The following ATM variants were observed in gnomAD, a reference collection of about 807,000 sequenced individuals.
ATM encodes serine-protein kinase ATM.
In ATM, 308 loss-of-function variants were observed where a neutral mutation model predicts 387.0. The observed-to-expected ratio is 0.80, with a 90% CI of 0.73 to 0.87. ATM has a LOEUF of 0.87. Ranked by LOEUF, ATM falls within the 40% of genes least tolerant of loss-of-function variation. The pLI is 0.00. For synonymous variants in ATM, 1,156 were observed against 1,187.3 expected (o/e 0.97, Z 0.54); for missense variants, 3,312 against 3,560.9 (o/e 0.93, Z 1.78).
intron 45 of ATM, among the ~76,000 whole-genome samples, chr11:108,321,745 G>A (rs553547447): frequency 1.2e-4 from 18 of 151,076 alleles, no homozygotes; most frequent in Non-Finnish European, 2.1e-4. Context: ...CCGAGATTGC[G>A]CCATGGATTC....
chr11:108,233,458 ACTTAGGAGG>A (rs2079119206), intron 4 of ATM, among the ~76,000 whole-genome samples: 2 of 151,488 alleles, frequency 1.3e-5, no homozygotes, highest in African/African-American at 2.4e-5. Context: ...AGTCCCAGCT[ACTTAGGAGG>A]CTTAGGGAGG....
chr11:108,317,533 G>C lies in ATM; in HGVS notation c.6347+12G>C, dbSNP rs2084795630. On this transcript the variant is annotated intron_variant, in intron 43 of 62. Transcript: ENST00000675843. Reference sequence around the variant, plus strand: ...TGCACTTCCGTCAGGTAAGAAATTTGACTTGATTTTTTTTTTTTTGCCTCT... The same window carrying C: ...TGCACTTCCGTCAGGTAAGAAATTTCACTTGATTTTTTTTTTTTTGCCTCT... 5 of 1,575,728 alleles carry C rather than the reference G, an allele frequency of 3.2e-6. No individual in the cohort carries two copies. The highest frequency in any genetic ancestry group is 4.3e-6 in the Non-Finnish European group (5 of 1,162,898).
At chr11:108,335,468 G>T (rs2086737552) in intron 55 of ATM, among the ~76,000 whole-genome samples, 1 of 152,126 alleles carries the variant, frequency 6.6e-6, no homozygotes, top group Admixed American at 6.5e-5. Flanking sequence ...CTCGTACTGT[G>T]CCAAGTGCTA....
At position 108,283,114 on chromosome 11, in the gene ATM, C is replaced by T. The variant is rs4987988; in HGVS notation, c.3746+235C>T. Among the ~76,000 whole-genome samples the T allele has an allele frequency of 5.6e-3, 849 of 152,266 alleles. 6 individuals carry two copies. The highest frequency in any genetic ancestry group is 9.3e-3 in the Non-Finnish European group (633 of 68,014). On this transcript the variant is annotated intron_variant, in intron 25 of 62. Coordinates refer to ENST00000675843, the MANE Select transcript of ATM (RefSeq NM_000051.4). ...AACCAGCTATCTGACTTTGGTCAAA[C>T]CACATAAAGACCCTCTATGCCTTGG... is the stretch of plus-strand genomic sequence containing the variant.
At chr11:108,319,635 A>G (rs888909826) in intron 43 of ATM, among the ~76,000 whole-genome samples, 1 of 152,224 alleles carries the variant, frequency 6.6e-6, no homozygotes, top group Non-Finnish European at 1.5e-5. Flanking sequence ...CCATGAGAGT[A>G]AAGACCTGAT....
chr11:108,314,354 C>T (rs1368265985), intron 40 of ATM, among the ~76,000 whole-genome samples: 1 of 152,108 alleles, frequency 6.6e-6, no homozygotes, highest in East Asian at 1.9e-4. Context: ...AGTCTGCCTG[C>T]CTTGGCTACC....
chr11:108,361,327 G>A lies in ATM; in HGVS notation c.8851-3755G>A, dbSNP rs925246849. On this transcript the variant is annotated intron_variant, in intron 61 of 62. Coordinates refer to ENST00000675843, the MANE Select transcript of ATM (RefSeq NM_000051.4). ...ACAAACAAATGGAAGAACATTCCAT[G>A]CTCATGGGTAGGAAGAATCAATATT... 1.3e-4 allele frequency among the ~76,000 whole-genome samples: 19 copies of A among 146,620 alleles called. 1 individual carries two copies. The highest frequency in any genetic ancestry group is 9.1e-4 in the South Asian group (4 of 4,404).
In ATM at chr11:108,343,382, C is replaced by A. The variant is rs1277361086; in HGVS notation, c.8418+11C>A. 6.2e-7 allele frequency: 1 copy of A among 1,613,400 alleles called. No homozygotes were observed. Among genetic ancestry groups the A allele is most frequent in the Non-Finnish European group, 8.5e-7 (1 of 1,179,692 alleles). On this transcript the variant is annotated intron_variant, in intron 57 of 62. Transcript: ENST00000675843. ...CAAAAGAAAATGATGGTGAGTGACA[C>A]CCAAAATTAAAGGTTATTGTAAGAT... is the stretch of plus-strand genomic sequence containing the variant.
rs730881290 is a variant in ATM at position 108,292,596 on chromosome 11, G to GT, written c.4437-14dup. The GT allele has an allele frequency of 1.3e-3, 1,919 of 1,531,260 alleles. 1 individual carries two copies. The highest frequency in any genetic ancestry group is 1.3e-3 in the Non-Finnish European group (1,448 of 1,116,790). 94.9% of individuals were successfully genotyped at this position (1,531,260 alleles called of 1,614,324 possible). A position where few individuals can be genotyped will look rare whatever the true frequency, so the allele number is the denominator to read the frequency against. On this transcript the variant is annotated intron_variant, in intron 29 of 62. Coordinates refer to ENST00000675843, the MANE Select transcript of ATM (RefSeq NM_000051.4). ...TTTCCAGAACTTACTGGTTGTTGTT[G>GT]TTTTTTTTTCTCCCTATATTAGGCC...
At chr11:108,253,034 G>A (rs2080238973) in intron 12 of ATM, 122 bp downstream of exon 12, 1 of 795,292 alleles carries the variant, frequency 1.3e-6, no homozygotes, top group African/African-American at 1.7e-5. Flanking sequence ...CAAAAAAATT[G>A]CAACTGTTAG....
intron 4 of ATM, chr11:108,230,944 T>C (rs932005817): frequency 6.6e-6 from 1 of 152,314 alleles, no homozygotes; most frequent in African/African-American, 2.4e-5. Flanking sequence ...TCAAGTGATT[T>C]TCCCGCCTTG....
chr11:108,268,390 T>G lies in ATM; in HGVS notation c.2639-20T>G. ...TGTTGTGCCCTTCTCTTAGTGTTAATGAGTGCTTTTTATTTTTAGGTGCCA... is the reference window on the plus strand; with the variant it reads ...TGTTGTGCCCTTCTCTTAGTGTTAAGGAGTGCTTTTTATTTTTAGGTGCCA... On this transcript the variant is annotated intron_variant, in intron 17 of 62. Transcript: ENST00000675843. The G allele has an allele frequency of 6.2e-7, 1 of 1,610,434 alleles. No individual in the cohort carries two copies. The highest frequency in any genetic ancestry group is 8.5e-7 in the Non-Finnish European group (1 of 1,177,842).
At chr11:108,228,462 A>G (rs976053071) in intron 3 of ATM, among the ~76,000 whole-genome samples, 37 of 152,368 alleles carry the variant, frequency 2.4e-4, no homozygotes, top group African/African-American at 7.7e-4. Flanking sequence ...TGTAAGGATT[A>G]GGAAAGATGA....
rs2084243571 is a variant in ATM at position 108,312,434 on chromosome 11, G to A, written c.5942G>A (p.Ser1981Asn). Residue 1981 changes from serine (S) to asparagine (N), a missense_variant, in exon 40 of 63, where the codon AGC becomes AAC. Transcript: ENST00000675843. ...AGAAGTCTTGCATTTGAAGAAGGAA[G>A]CCAGAGTACAACTATTTCTAGCTTG... is the stretch of plus-strand genomic sequence containing the variant. ...EKRSLAFEEG[S>N]QSTTISSLSE... is the part of the protein sequence containing the mutation. 1 of 1,596,298 alleles carries A rather than the reference G, an allele frequency of 6.3e-7. No individual in the cohort carries two copies. The highest frequency in any genetic ancestry group is 8.6e-7 in the Non-Finnish European group (1 of 1,164,054).
chr11:108,317,674 C>CACACTA (rs1348508969), intron 43 of ATM, among the ~76,000 whole-genome samples, 153 bp downstream of exon 43: 2 of 129,304 alleles, frequency 1.5e-5, no homozygotes, highest in African/African-American at 3.0e-5. Flanking sequence ...CACACACACA[C>CACACTA]TATATATATA....
At chr11:108,333,844 T>C (rs2136607715) in intron 53 of ATM, 42 bp from the exon 54 acceptor site, 2 of 1,462,820 alleles carry the variant, frequency 1.4e-6, no homozygotes, top group Non-Finnish European at 1.9e-6. Flanking sequence ...TTCAATGCTG[T>C]TCCTCAGTTT....
At chr11:108,283,671 C>T (rs907847033) in intron 25 of ATM, among the ~76,000 whole-genome samples, 15 of 152,202 alleles carry the variant, frequency 9.9e-5, no homozygotes, top group Middle Eastern at 6.8e-3. Flanking sequence ...TCTGTATATG[C>T]GAGGGATTCA....
chr11:108,313,077 A>C (rs906051728), intron 40 of ATM, among the ~76,000 whole-genome samples: 2 of 152,168 alleles, frequency 1.3e-5, no homozygotes, highest in African/African-American at 4.8e-5. Flanking sequence ...ATCTCGCCAC[A>C]TCCCACTCTC....
chr11:108,252,273 T>G (rs2080196742), intron 11 of ATM, among the ~76,000 whole-genome samples: 1 of 152,252 alleles, frequency 6.6e-6, no homozygotes, highest in Non-Finnish European at 1.5e-5. Flanking sequence ...AATGCACATA[T>G]AATTCTTTGA....
Sources: allele counts gnomAD v4.1 joint callset (sites outside exome capture counted in the v4.1 genomes callset), GRCh38; gene constraint gnomAD v4.1.1; transcripts MANE v1.5; gene names NCBI Gene and HGNC (gene_info 2026-07-23, HGNC 2026-07-21).